Variants in DEK observed in about 807,000 individuals in gnomAD.
DEK encodes the protein protein DEK.
A neutral mutation model predicts 46.8 loss-of-function variants in DEK; 28 were observed. The ratio of observed to expected loss-of-function variants is 0.60; its 90% CI spans 0.44 to 0.82. The LOEUF is 0.82. DEK is among the 40% of genes least tolerant of loss of function. The probability of loss-of-function intolerance (pLI) is 0.00; values close to 1 mark genes in which losing one functional copy is unlikely to be tolerated. For missense variants in DEK, 416 were observed against 430.6 expected (o/e 0.97, Z 0.30); for synonymous variants, 160 against 144.5 (o/e 1.11, Z -0.77).
At chr6:18,236,343 A>C (rs1362510480) in intron 9 of DEK, 109 bp downstream of exon 9, 2 of 1,225,618 alleles carry the variant, frequency 1.6e-6, no homozygotes, top group African/African-American at 3.1e-5. Context: ...TAGTTCAATA[A>C]ATCTTTCTTC....
intron 7 of DEK, among the ~76,000 whole-genome samples, chr6:18,242,319 G>C (rs1029089238): frequency 1.3e-5 from 2 of 152,200 alleles, no homozygotes; most frequent in East Asian, 3.8e-4. Context: ...TATCGATCGT[G>C]CCACTGTACC....
intron 2 of DEK, among the ~76,000 whole-genome samples, chr6:18,259,634 CTT>C (rs2151095128): frequency 6.6e-6 from 1 of 152,102 alleles, no homozygotes; most frequent in East Asian, 1.9e-4. Context: ...AACTGCGTAT[CTT>C]TTGAAAAAGA....
intron 2 of DEK, among the ~76,000 whole-genome samples, chr6:18,260,985 CAA>C (rs780634683): frequency 2.6e-4 from 20 of 78,000 alleles, no homozygotes; most frequent in East Asian, 6.6e-4. Flanking sequence ...ACCTTGTCTC[CAA>C]AAAAAAAAAA....
intron 4 of DEK, among the ~76,000 whole-genome samples, chr6:18,257,675 C>A (rs1295093976): frequency 2.0e-5 from 3 of 151,368 alleles, no homozygotes; most frequent in African/African-American, 7.3e-5. Context: ...ATGTATTGCA[C>A]ACTGTACTCC....
chr6:18,255,706 G>A, intron 6 of DEK, 25 bp downstream of exon 6: 1 of 1,580,594 alleles, frequency 6.3e-7, no homozygotes, highest in Non-Finnish European at 8.5e-7. Flanking sequence ...ACTGATTTAT[G>A]AAAAAAATAA....
intron 6 of DEK, 61 bp from the exon 7 acceptor site, chr6:18,249,900 T>C (rs1415913905): frequency 4.0e-6 from 6 of 1,495,820 alleles, no homozygotes; most frequent in Admixed American, 5.0e-5. Flanking sequence ...AATTCTCTTC[T>C]TGAAAACTTA....
intron 9 of DEK, among the ~76,000 whole-genome samples, chr6:18,230,122 T>C (rs1044097436): frequency 2.0e-5 from 3 of 152,104 alleles, no homozygotes; most frequent in Non-Finnish European, 2.9e-5. Flanking sequence ...CATATCCAGC[T>C]AAACCAAGCT....
rs1173057126 is a variant in DEK, at chr6:18,244,618, G to A, written c.762+5033C>T. The A allele has an allele frequency of 3.2e-6, 4 of 1,244,598 alleles. No individual in the cohort carries two copies. The Middle Eastern group carries it at 6.6e-4, about 205-fold the overall frequency. 77.1% of individuals were successfully genotyped at this position (1,244,598 alleles called of 1,614,324 possible). ...GAAAGGTTGTACTGGGTGAACAGAT[G>A]AACAAAATAAAAATTAGCTTAAAAT... is the stretch of plus-strand genomic sequence containing the variant. On this transcript the variant is annotated intron_variant, in intron 7 of 10. Transcript: ENST00000652689.
intron 2 of DEK, among the ~76,000 whole-genome samples, chr6:18,261,398 C>G (rs1047294937): frequency 6.6e-6 from 1 of 152,146 alleles, no homozygotes; most frequent in African/African-American, 2.4e-5. Context: ...CATGGAGAAA[C>G]CTTGTCTCTA....
At chr6:18,240,731 G>A (rs1036107891) in intron 7 of DEK, among the ~76,000 whole-genome samples, 3 of 152,160 alleles carry the variant, frequency 2.0e-5, no homozygotes, top group Admixed American at 1.3e-4. Context: ...TGAGATGGGA[G>A]GATCACTTGA....
chr6:18,226,135 A>T (rs766446377), intron 10 of DEK, 39 bp downstream of exon 10: 3 of 1,241,388 alleles, frequency 2.4e-6, no homozygotes, highest in Non-Finnish European at 3.2e-6. Flanking sequence ...CTTTTGTCTT[A>T]TATTTCTAAA....
intron 4 of DEK, among the ~76,000 whole-genome samples, 164 bp from the exon 5 acceptor site, chr6:18,256,619 T>C (rs1335103144): frequency 2.0e-5 from 3 of 152,174 alleles, no homozygotes; most frequent in Non-Finnish European, 2.9e-5. Context: ...TATTCAACAT[T>C]TCTTATTCAA....
chr6:18,229,179 C>CTGTT (rs1294940921), intron 9 of DEK, among the ~76,000 whole-genome samples: 1 of 152,204 alleles, frequency 6.6e-6, no homozygotes, highest in African/African-American at 2.4e-5. Context: ...AGGGTCCTGA[C>CTGTT]TGTTAGAAGG....
intron 9 of DEK, among the ~76,000 whole-genome samples, chr6:18,234,960 T>G (rs954866105): frequency 6.6e-6 from 1 of 152,178 alleles, no homozygotes; most frequent in Admixed American, 6.5e-5. Flanking sequence ...CAGTTCCTTC[T>G]CACCTGACCT....
chr6:18,254,370 C>T (rs1030548720), intron 6 of DEK, among the ~76,000 whole-genome samples: 34 of 152,010 alleles, frequency 2.2e-4, no homozygotes, highest in African/African-American at 8.2e-4. Flanking sequence ...AACAACAACA[C>T]AAAAAGACTG....
At chr6:18,229,701 A>G (rs1448004092) in intron 9 of DEK, among the ~76,000 whole-genome samples, 1 of 152,186 alleles carries the variant, frequency 6.6e-6, no homozygotes, top group African/African-American at 2.4e-5. Flanking sequence ...AGAAACAAAC[A>G]AAGCCTCCAA....
chr6:18,233,022 C>G (rs1460432726), intron 9 of DEK, among the ~76,000 whole-genome samples: 2 of 152,150 alleles, frequency 1.3e-5, no homozygotes, highest in Non-Finnish European at 2.9e-5. Flanking sequence ...TGGAACAGAA[C>G]AGAGCCCTCG....
Position 18,225,248 on chromosome 6 carries a change from A to C in DEK, c.*471T>G, listed in dbSNP as rs78888154. On this transcript the variant is annotated 3_prime_UTR_variant, in exon 11 of 11. Transcript: ENST00000652689. ...GACAACTGTAGCTTGTATATTTTTA[A>C]TATGATGGACACACTGCCGCTGAAT... is the stretch of plus-strand genomic sequence containing the variant. 5,340 of 230,160 alleles carry C rather than the reference A, an allele frequency of 0.023. 284 individuals are homozygous for C. The highest frequency in any genetic ancestry group is 0.11 in the African/African-American group (4,887 of 45,274). The allele number at this position is 230,160 out of a possible 1,614,324, so 14.3% of individuals were successfully genotyped here.
intron 6 of DEK, among the ~76,000 whole-genome samples, chr6:18,254,925 G>A (rs1791540383): frequency 1.3e-5 from 2 of 152,078 alleles, no homozygotes; most frequent in African/African-American, 4.8e-5. Flanking sequence ...GACCAAGGGC[G>A]GACGAAAACG....
Sources: gnomAD v4.1 joint callset for allele counts (sites outside exome capture counted in the v4.1 genomes callset) on GRCh38, gnomAD v4.1.1 for gene constraint, MANE v1.5 for transcripts, NCBI Gene and HGNC (gene_info 2026-07-23, HGNC 2026-07-21) for gene names.